ZFHX3: variants seen among roughly 807,000 people sequenced by gnomAD.
The protein encoded by ZFHX3 is zinc finger homeobox protein 3.
Under a neutral mutation model 279.1 loss-of-function variants are expected in ZFHX3, and 42 were observed. The observed-to-expected ratio is 0.15, with a 90% confidence interval of 0.12 to 0.19. The LOEUF (loss-of-function observed/expected upper bound fraction) is 0.19. Among genes scored for constraint, ZFHX3 ranks in the 10% least tolerant of loss-of-function variants. The probability of loss-of-function intolerance (pLI) is 1.00; values close to 1 mark genes in which losing one functional copy is unlikely to be tolerated. For synonymous variants in ZFHX3, 2,293 were observed against 1,957.8 expected (o/e 1.17, Z -4.52); for missense variants, 4,981 against 4,754.0 (o/e 1.05, Z -1.40).
At chr16:73,470,481 A>G (rs1597347731) in intron 2 of ZFHX3, among the ~76,000 whole-genome samples, 1 of 152,208 alleles carries the variant, frequency 6.6e-6, no homozygotes, top group African/African-American at 2.4e-5. Flanking sequence ...GCTTTTATTA[A>G]TATTAATAAT....
chr16:73,203,840 C>T (rs1466378748), intron 5 of ZFHX3, among the ~76,000 whole-genome samples: 3 of 152,184 alleles, frequency 2.0e-5, no homozygotes, highest in African/African-American at 7.2e-5. Context: ...GAGCCAGTGA[C>T]AATTGTCCAT....
At chr16:73,422,953 G>A (rs1248047340) in intron 3 of ZFHX3, among the ~76,000 whole-genome samples, 1 of 152,188 alleles carries the variant, frequency 6.6e-6, no homozygotes, top group African/African-American at 2.4e-5. Context: ...TGGCAGGGTT[G>A]GTTTTTCCTG....
intron 3 of ZFHX3, among the ~76,000 whole-genome samples, chr16:73,334,712 G>A (rs2015874884): frequency 6.6e-6 from 1 of 150,654 alleles, no homozygotes; most frequent in South Asian, 2.1e-4. Flanking sequence ...AAGCGTTTCA[G>A]AGTCCCCAAA....
chr16:73,019,087 C>A (rs1004486350), intron 1 of ZFHX3, among the ~76,000 whole-genome samples: 3 of 152,226 alleles, frequency 2.0e-5, no homozygotes, highest in African/African-American at 7.2e-5. Context: ...ACATCCGGCA[C>A]CTTTTCATCC....
intron 2 of ZFHX3, among the ~76,000 whole-genome samples, chr16:73,619,963 TTTTC>T (rs1476729549): frequency 5.3e-5 from 8 of 152,196 alleles, no homozygotes; most frequent in Non-Finnish European, 1.5e-5. Context: ...CTAGTAGGCT[TTTTC>T]TTTAAGAGTG....
rs543370281 is a variant in ZFHX3, at chr16:72,987,544, T to G, written c.-49-27350A>C. ...CTCTGGGAGGTCATTGCCCCCACAC[T>G]GTGCCTGTGTACACATGTATGCTTC... is the stretch of plus-strand genomic sequence containing the variant. On this transcript the variant is annotated intron_variant, in intron 1 of 9. Coordinates refer to ENST00000268489, the MANE Select transcript of ZFHX3 (RefSeq NM_006885.4). Among the ~76,000 whole-genome samples, 6 of 152,324 alleles carry G rather than the reference T, an allele frequency of 3.9e-5. No homozygotes were observed. In the South Asian group the frequency reaches 1.2e-3, roughly 32 times the overall value.
intron 1 of ZFHX3, among the ~76,000 whole-genome samples, chr16:73,863,853 A>T (rs1420675395): frequency 6.6e-6 from 1 of 152,210 alleles, no homozygotes; most frequent in African/African-American, 2.4e-5. Flanking sequence ...ATCTTTTCAC[A>T]GTCATAATTT....
chr16:73,856,019 T>TA (rs1470066821), intron 1 of ZFHX3, among the ~76,000 whole-genome samples: 1 of 152,170 alleles, frequency 6.6e-6, no homozygotes, highest in East Asian at 1.9e-4. Context: ...GTGGAGCCAC[T>TA]AAAAAAATCA....
At chr16:72,946,301 C>T (rs571802330) in intron 3 of ZFHX3, among the ~76,000 whole-genome samples, 1 of 152,296 alleles carries the variant, frequency 6.6e-6, no homozygotes, top group East Asian at 1.9e-4. Context: ...CCCACAGCAG[C>T]TCACATGTGG....
intron 1 of ZFHX3, among the ~76,000 whole-genome samples, chr16:73,729,737 C>A (rs1212612998): frequency 6.6e-6 from 1 of 152,122 alleles, no homozygotes; most frequent in Non-Finnish European, 1.5e-5. Flanking sequence ...TGTTTAATGT[C>A]TTCTCACACC....
At chr16:73,450,445 T>C (rs1055691220) in intron 3 of ZFHX3, among the ~76,000 whole-genome samples, 22 of 149,864 alleles carry the variant, frequency 1.5e-4, no homozygotes, top group Non-Finnish European at 2.2e-4. Context: ...AGCGGACATG[T>C]GTCATTTTTA....
At chr16:73,603,051 C>T (rs2052138090) in intron 2 of ZFHX3, among the ~76,000 whole-genome samples, 2 of 150,920 alleles carry the variant, frequency 1.3e-5, no homozygotes, top group African/African-American at 2.4e-5. Context: ...TTTGGGAGGC[C>T]GAGGCGGGTG....
At chr16:73,592,827 C>A (rs1347332098) in intron 2 of ZFHX3, among the ~76,000 whole-genome samples, 1 of 150,340 alleles carries the variant, frequency 6.7e-6, no homozygotes, top group Non-Finnish European at 1.5e-5. Context: ...AATAATTCAA[C>A]AAAACTCGAA....
At chr16:73,563,318 A>T (rs1019762084) in intron 2 of ZFHX3, among the ~76,000 whole-genome samples, 2 of 149,550 alleles carry the variant, frequency 1.3e-5, no homozygotes, top group Non-Finnish European at 3.0e-5. Flanking sequence ...GCTCACTGCA[A>T]GCTCTGCCTC....
rs144443361 is a variant in ZFHX3, at chr16:73,503,178, G to A, written c.-1546-46920C>T. On this transcript the variant is annotated intron_variant, in intron 2 of 17. Transcript: ENST00000641206. ...ATATCCACAATTTCATCTCCGAGGT[G>A]TTTGTAGCCATGGTGATGAGCTAGA... Among the ~76,000 whole-genome samples the A allele has an allele frequency of 2.1e-3, 316 of 152,328 alleles. 2 individuals are homozygous for A. The highest frequency in any genetic ancestry group is 9.7e-3 in the South Asian group (47 of 4,832).
chr16:73,418,982 G>A (rs898858586), intron 3 of ZFHX3, among the ~76,000 whole-genome samples: 5 of 152,174 alleles, frequency 3.3e-5, no homozygotes, highest in Non-Finnish European at 4.4e-5. Flanking sequence ...TAACATGGAC[G>A]TCAAACTGAC....
intron 3 of ZFHX3, among the ~76,000 whole-genome samples, chr16:73,409,992 G>T (rs1471920570): frequency 2.6e-5 from 4 of 152,094 alleles, no homozygotes; most frequent in African/African-American, 9.7e-5. Flanking sequence ...TGGGGCAGGG[G>T]GGTGGGTGCA....
At chr16:73,368,061 G>C (rs751435580) in intron 3 of ZFHX3, among the ~76,000 whole-genome samples, 21 of 152,004 alleles carry the variant, frequency 1.4e-4, no homozygotes, top group Non-Finnish European at 2.5e-4. Context: ...AGTAGAGTCA[G>C]GGTTTCACCA....
chr16:73,058,704 G>A, exon 1 of ZFHX3: 1 of 167,090 alleles, frequency 6.0e-6, no homozygotes, highest in Non-Finnish European at 1.2e-5. Flanking sequence ...GCTGGCGGCG[G>A]CGGCGGCGGC....
Sources: allele counts gnomAD v4.1 joint callset (sites outside exome capture counted in the v4.1 genomes callset), GRCh38; gene constraint gnomAD v4.1.1; transcripts MANE v1.5; gene names NCBI Gene and HGNC (gene_info 2026-07-23, HGNC 2026-07-21).